The following ANKRD27 variants were observed in gnomAD, a reference collection of about 807,000 sequenced individuals.
ANKRD27 encodes the protein ankyrin repeat domain 27, also known as ankyrin repeat domain-containing protein 27.
A neutral mutation model predicts 129.7 loss-of-function variants in ANKRD27; 112 were observed. The ratio of observed to expected loss-of-function variants is 0.86; its 90% CI spans 0.74 to 1.01. The LOEUF (loss-of-function observed/expected upper bound fraction) is 1.01, where lower values mean the gene tolerates loss of function less well. Ranked by LOEUF, ANKRD27 falls within the 50% of genes least tolerant of loss-of-function variation. The pLI, the probability that ANKRD27 is intolerant of heterozygous loss-of-function variation, is 0.00. For missense variants in ANKRD27, 1,258 were observed against 1,300.5 expected, an observed-to-expected ratio of 0.97 and a Z score of 0.50; for synonymous variants, 516 against 511.2, an observed-to-expected ratio of 1.01 and a Z score of -0.13.
chr19:32,633,331 G>GT (rs140018331), intron 12 of ANKRD27, among the ~76,000 whole-genome samples: 5,192 of 122,150 alleles, frequency 0.043, 282 homozygotes, highest in Admixed American at 0.16. Flanking sequence ...TTTTTTATCT[G>GT]TTTTTTTTTT....
intron 26 of ANKRD27, chr19:32,600,263 G>A (rs1971632239): frequency 2.3e-6 from 1 of 429,846 alleles, no homozygotes; most frequent in Admixed American, 3.5e-5. Context: ...CCACAGGCTG[G>A]GTGCAGTGGC....
At chr19:32,617,759 T>G in intron 20 of ANKRD27, 126 bp from the exon 21 acceptor site, 5 of 406,812 alleles carry the variant, frequency 1.2e-5, no homozygotes, top group Admixed American at 3.9e-5. Context: ...TTTAGTTTTT[T>G]TTTTTTTTTT....
chr19:32,607,139 T>C (rs1318011488), intron 23 of ANKRD27, among the ~76,000 whole-genome samples: 13 of 74,858 alleles, frequency 1.7e-4, no homozygotes, highest in Admixed American at 1.2e-3. Flanking sequence ...AGCAAGGTGA[T>C]GTCTTAAAAA....
chr19:32,607,717 A>G lies in ANKRD27; in HGVS notation c.2291T>C (p.Leu764Pro). The change falls in exon 23 of 29, where the codon CTG (leucine) becomes CCG (proline). Residue 764 changes from leucine to proline, a missense_variant. By Grantham distance (98) the Leu-to-Pro change is moderately conservative. Transcript: ENST00000306065. ...GGCACCTGCGTTGGCCCCGTGCTTC[A>G]GCAGGAGGGGGATGAGGTCCGCCCG... is the stretch of plus-strand genomic sequence containing the variant. Reference protein sequence around the residue: ...HGRADLIPLLLKHGANAGARN... With the variant: ...HGRADLIPLLPKHGANAGARN... 6.2e-7 allele frequency: 1 copy of G among 1,613,194 alleles called. No homozygotes were observed. The highest frequency in any genetic ancestry group is 8.5e-7 in the Non-Finnish European group (1 of 1,179,728).
At chr19:32,621,614 C>T (rs1435037196) in intron 18 of ANKRD27, among the ~76,000 whole-genome samples, 6 of 152,076 alleles carry the variant, frequency 3.9e-5, no homozygotes, top group Non-Finnish European at 7.4e-5. Context: ...GGCAACAGAG[C>T]GAGACTCCAT....
chr19:32,652,007 G>A (rs1321015063), intron 2 of ANKRD27, among the ~76,000 whole-genome samples: 4 of 152,156 alleles, frequency 2.6e-5, no homozygotes, highest in Non-Finnish European at 5.9e-5. Flanking sequence ...TGGGCTCCCT[G>A]GCTCCACCCA....
At chr19:32,627,401 TATTTATTTA>T (rs1568405384) in intron 15 of ANKRD27, among the ~76,000 whole-genome samples, 940 of 36,168 alleles carry the variant, frequency 0.026, 48 homozygotes, top group Middle Eastern at 0.06. Flanking sequence ...TTTATTTATT[TATTTATTTA>T]TTTTTTGAGA....
rs150452494 is a variant in ANKRD27, at chr19:32,623,261, G to A, written c.1630-642C>T. Among the ~76,000 whole-genome samples, 6 of 152,294 alleles carry A rather than the reference G, an allele frequency of 3.9e-5. No homozygotes were observed. The East Asian group carries it at 1.2e-3, about 29-fold the overall frequency. On this transcript the variant is annotated intron_variant, in intron 17 of 28. Coordinates refer to ENST00000306065, the MANE Select transcript of ANKRD27 (RefSeq NM_032139.3). Reference sequence around the variant, plus strand: ...TGTTGGCCTGAAACATTCTATGGGTGCCTGGATGTGGGGAGTGTTCCCAAA... The same window carrying A: ...TGTTGGCCTGAAACATTCTATGGGTACCTGGATGTGGGGAGTGTTCCCAAA...
rs142641876 is a variant in ANKRD27 at position 32,603,642 on chromosome 19, G to A, written c.2655+621C>T. ...CAGCCTTGACCTCCTGGGCTCAAGC[G>A]ATCCTCCCACCTCAGCCTCCTGAGT... is the stretch of plus-strand genomic sequence containing the variant. On this transcript the variant is annotated intron_variant, in intron 25 of 28. Transcript: ENST00000306065. Among the ~76,000 whole-genome samples the A allele has an allele frequency of 3.9e-3, 592 of 152,218 alleles. 4 individuals carry two copies. Among genetic ancestry groups the A allele is most frequent in the African/African-American group, 0.01 (432 of 41,546 alleles).
At position 32,597,763 on chromosome 19, in the gene ANKRD27, T is replaced by G. The variant is rs1396839815; in HGVS notation, c.*382A>C. The G allele has an allele frequency of 9.0e-6, 2 of 221,986 alleles. No homozygotes were observed. Among genetic ancestry groups the G allele is most frequent in the Non-Finnish European group, 1.8e-5 (2 of 109,688 alleles). 13.8% of individuals were successfully genotyped at this position (221,986 alleles called of 1,614,324 possible). ...TAGGTGGAGGAATTCTAGCTGTGGTTTGTGAATGTACACAGGTCAGAGAGG... is the reference window on the plus strand; with the variant it reads ...TAGGTGGAGGAATTCTAGCTGTGGTGTGTGAATGTACACAGGTCAGAGAGG... On this transcript the variant is annotated 3_prime_UTR_variant, in exon 29 of 29. Coordinates refer to ENST00000306065, the MANE Select transcript of ANKRD27 (RefSeq NM_032139.3).
rs748745878 is a variant in ANKRD27, at chr19:32,604,443, C to T, written c.2494-19G>A. On this transcript the variant is annotated intron_variant, in intron 24 of 28. Transcript: ENST00000306065. ...CCCCGTGCTGGAAAGAGAAACCACA[C>T]GATCAAAAGGAACGCTACGAAACGT... is the stretch of plus-strand genomic sequence containing the variant. 5.2e-5 allele frequency: 82 copies of T among 1,581,218 alleles called. 1 individual carries two copies. The highest frequency in any genetic ancestry group is 7.9e-5 in the South Asian group (7 of 88,902).
chr19:32,665,779 G>A (rs746778803), intron 1 of ANKRD27, among the ~76,000 whole-genome samples: 4 of 149,170 alleles, frequency 2.7e-5, no homozygotes, highest in South Asian at 2.1e-4. Context: ...TTTGTTTTTC[G>A]AGACAGAGGT....
At chr19:32,601,138 A>G (rs748338752) in intron 26 of ANKRD27, among the ~76,000 whole-genome samples, 1 of 151,872 alleles carries the variant, frequency 6.6e-6, no homozygotes, top group Non-Finnish European at 1.5e-5. Context: ...GTCTCTACTA[A>G]AAATACAAAA....
At chr19:32,625,850 C>T in intron 17 of ANKRD27, 24 bp downstream of exon 17, 1 of 1,543,618 alleles carries the variant, frequency 6.5e-7, no homozygotes, top group Non-Finnish European at 8.7e-7. Context: ...ACGCAGCCCC[C>T]CCGGAACAGC....
At chr19:32,626,974 C>A in intron 15 of ANKRD27, 147 bp from the exon 16 acceptor site, 1 of 586,848 alleles carries the variant, frequency 1.7e-6, no homozygotes, top group South Asian at 2.2e-5. Context: ...GGAACTACAG[C>A]TAATATAAAG....
intron 3 of ANKRD27, among the ~76,000 whole-genome samples, chr19:32,647,270 T>C (rs1967320937): frequency 1.3e-5 from 2 of 152,254 alleles, no homozygotes; most frequent in South Asian, 2.1e-4. Flanking sequence ...TGATGTTTCC[T>C]GACAATTAGA....
Position 32,639,425 on chromosome 19 carries a change from TCC to T in ANKRD27, c.1045_1046del (p.Gly349IlefsTer11), listed in dbSNP as rs1967152564. 8 of 1,614,200 alleles carry T rather than the reference TCC, an allele frequency of 5.0e-6. No homozygotes were observed. Among genetic ancestry groups the T allele is most frequent in the Non-Finnish European group, 6.8e-6 (8 of 1,180,042 alleles). On this transcript the variant is annotated frameshift_variant, in exon 12 of 29. Transcript: ENST00000306065. LOFTEE classifies it high-confidence loss of function. Reference protein sequence around the residue: ...RFSSLAKDELGYCLTSFEAAI... With the variant: ...RFSSLAKDELXYCLTSFEAAI... ...CAGCTTCGAATGAGGTCAGGCAGTATCCCAGTTCATCCTTTGCCAAGCTGCTA... is the reference window on the plus strand; with the variant it reads ...CAGCTTCGAATGAGGTCAGGCAGTATCAGTTCATCCTTTGCCAAGCTGCTA...
chr19:32,618,363 C>A (rs1434732402), intron 20 of ANKRD27, among the ~76,000 whole-genome samples: 4 of 143,564 alleles, frequency 2.8e-5, no homozygotes, highest in African/African-American at 1.0e-4. Context: ...ACTTTGGAGG[C>A]AATCCCCAGG....
intron 4 of ANKRD27, among the ~76,000 whole-genome samples, chr19:32,645,589 C>T (rs1310839939): frequency 6.6e-6 from 1 of 151,810 alleles, no homozygotes. Context: ...CAGGCATGCA[C>T]CACCATGCCC....
Sources: gnomAD v4.1 joint callset for allele counts (sites outside exome capture counted in the v4.1 genomes callset) on GRCh38, gnomAD v4.1.1 for gene constraint, MANE v1.5 for transcripts, NCBI Gene and HGNC (gene_info 2026-07-23, HGNC 2026-07-21) for gene names.